The following PIGU variants were observed in gnomAD, a reference collection of about 807,000 sequenced individuals.
PIGU encodes phosphatidylinositol glycan anchor biosynthesis class U.
PIGU carries 24 observed loss-of-function variants against 49.9 expected under a neutral mutation model. The ratio of observed to expected loss-of-function variants is 0.48; its 90% CI spans 0.35 to 0.68. The LOEUF (loss-of-function observed/expected upper bound fraction) is 0.68. Ranked by LOEUF, PIGU falls within the 30% of genes least tolerant of loss-of-function variation. PIGU has a pLI of 0.01. For synonymous variants in PIGU, 220 were observed against 205.7 expected, an observed-to-expected ratio of 1.07 and a Z score of -0.59; for missense variants, 490 against 532.6, an observed-to-expected ratio of 0.92 and a Z score of 0.79.
chr20:34,582,972 C>T (rs1451222067), intron 9 of PIGU, among the ~76,000 whole-genome samples: 1 of 152,166 alleles, frequency 6.6e-6, no homozygotes, highest in Non-Finnish European at 1.5e-5. Flanking sequence ...ATTTCAACCA[C>T]ATGCACATGG....
At chr20:34,562,995 T>C (rs1982591438) in intron 11 of PIGU, among the ~76,000 whole-genome samples, 1 of 152,056 alleles carries the variant, frequency 6.6e-6, no homozygotes, top group African/African-American at 2.4e-5. Flanking sequence ...ACGAAGCAAC[T>C]CCATGTCACA....
chr20:34,581,538 G>A lies in PIGU; in HGVS notation c.1051+10C>T, dbSNP rs750164264. The A allele has an allele frequency of 6.2e-7, 1 of 1,610,416 alleles. No homozygotes were observed. The highest frequency in any genetic ancestry group is 8.5e-7 in the Non-Finnish European group (1 of 1,178,206). Reference sequence around the variant, plus strand: ...TGACACAAATCTGTGGCAGAGGCGGGAGTACTCACATCTGTAGAGATGGTT... The same window carrying A: ...TGACACAAATCTGTGGCAGAGGCGGAAGTACTCACATCTGTAGAGATGGTT... On this transcript the variant is annotated intron_variant, in intron 10 of 11. Transcript: ENST00000217446.
rs2295442 is a variant in PIGU at position 34,585,726 on chromosome 20, C to T, written c.783-146G>A. On this transcript the variant is annotated intron_variant, in intron 8 of 11. Transcript: ENST00000217446. ...GAGAGATCAGGATGGGAAGGGCTCTCTAGGTACCCTGGATACAGGTAATTA... is the reference window on the plus strand; with the variant it reads ...GAGAGATCAGGATGGGAAGGGCTCTTTAGGTACCCTGGATACAGGTAATTA... 83 of 787,730 alleles carry T rather than the reference C, an allele frequency of 1.1e-4. 1 individual carries two copies. The East Asian group carries it at 2.1e-3, about 20-fold the overall frequency. The allele number at this position is 787,730 out of a possible 1,614,324, so 48.8% of individuals were successfully genotyped here.
At position 34,612,393 on chromosome 20, in the gene PIGU, T is replaced by C. The variant is rs190365869; in HGVS notation, c.627+3649A>G. 1.6e-3 allele frequency among the ~76,000 whole-genome samples: 237 copies of C among 152,102 alleles called. 1 individual carries two copies. The highest frequency in any genetic ancestry group is 5.3e-3 in the African/African-American group (218 of 41,494). On this transcript the variant is annotated intron_variant, in intron 7 of 11. Coordinates refer to ENST00000217446, the MANE Select transcript of PIGU (RefSeq NM_080476.5). ...AGGTGTGGGAGAGCGTTAGGACAAA[T>C]ACCTAATGCATGTGGGGCTTAAAAC...
At chr20:34,647,911 A>AT (rs1169393594) in intron 2 of PIGU, among the ~76,000 whole-genome samples, 2 of 151,930 alleles carry the variant, frequency 1.3e-5, no homozygotes, top group Non-Finnish European at 2.9e-5. Context: ...ATCCTTATTG[A>AT]TTTTTTTGGT....
At chr20:34,593,835 T>G (rs1984090561) in intron 7 of PIGU, among the ~76,000 whole-genome samples, 1 of 152,208 alleles carries the variant, frequency 6.6e-6, no homozygotes, top group Non-Finnish European at 1.5e-5. Context: ...ACTGTGATTG[T>G]GCCACTGCAC....
chr20:34,672,856 CAA>C lies in PIGU; in HGVS notation c.130+4098_130+4099del, dbSNP rs35130218. Among the ~76,000 whole-genome samples the C allele has an allele frequency of 2.7e-4, 31 of 113,594 alleles. No individual in the cohort carries two copies. The South Asian group carries it at 9.6e-3, about 35-fold the overall frequency. The allele number at this position is 113,594 out of a possible 152,430, so 74.5% of individuals were successfully genotyped here. A position where few individuals can be genotyped will look rare whatever the true frequency, so the allele number is the denominator to read the frequency against. On this transcript the variant is annotated intron_variant, in intron 1 of 11. Coordinates refer to ENST00000217446, the MANE Select transcript of PIGU (RefSeq NM_080476.5). ...GGAGACAGAGTGGGACCCTGTCTCT[CAA>C]AAAAAAAAAAAAAAAAAAAAAATCA...
chr20:34,639,197 C>T lies in PIGU; in HGVS notation c.319-1212G>A, dbSNP rs542396742. On this transcript the variant is annotated intron_variant, in intron 4 of 11. Transcript: ENST00000217446. ...CAGGCAGATCACAAGGTCAGGAGAT[C>T]GAGACCATCCTGGCTAACATGGTGA... Among the ~76,000 whole-genome samples the T allele has an allele frequency of 2.8e-3, 420 of 152,044 alleles. 1 individual carries two copies. The highest frequency in any genetic ancestry group is 9.6e-3 in the African/African-American group (400 of 41,466).
intron 11 of PIGU, among the ~76,000 whole-genome samples, chr20:34,572,365 G>C (rs956580858): frequency 1.3e-5 from 2 of 151,962 alleles, no homozygotes; most frequent in African/African-American, 4.8e-5. Flanking sequence ...TGACAAAATA[G>C]GCTGGGCGCA....
chr20:34,619,154 A>AG (rs1333217358), intron 6 of PIGU, among the ~76,000 whole-genome samples: 31 of 152,328 alleles, frequency 2.0e-4, no homozygotes, highest in Admixed American at 3.3e-4. Context: ...TTCTATGGGA[A>AG]GGGGGGCTGT....
intron 2 of PIGU, among the ~76,000 whole-genome samples, chr20:34,652,663 T>C (rs540440547): frequency 4.6e-5 from 7 of 152,350 alleles, no homozygotes; most frequent in African/African-American, 1.7e-4. Flanking sequence ...TGTTTCATTT[T>C]CATTCATTTC....
chr20:34,659,196 G>A (rs1600667716), intron 1 of PIGU, among the ~76,000 whole-genome samples: 4 of 141,914 alleles, frequency 2.8e-5, no homozygotes, highest in Admixed American at 6.9e-5. Context: ...CCGTCCAGGA[G>A]GGAGGTGGGG....
intron 7 of PIGU, among the ~76,000 whole-genome samples, chr20:34,608,774 C>G (rs1190766729): frequency 6.6e-6 from 1 of 152,210 alleles, no homozygotes; most frequent in Non-Finnish European, 1.5e-5. Flanking sequence ...CTACAACTCC[C>G]CAGCAAGTGG....
chr20:34,591,253 A>G (rs772493091), intron 7 of PIGU, among the ~76,000 whole-genome samples: 6 of 152,196 alleles, frequency 3.9e-5, no homozygotes, highest in Non-Finnish European at 7.4e-5. Context: ...TTTGAATGTA[A>G]CTAATAACAG....
At chr20:34,626,688 G>A (rs933165652) in intron 6 of PIGU, among the ~76,000 whole-genome samples, 2 of 152,170 alleles carry the variant, frequency 1.3e-5, no homozygotes, top group African/African-American at 4.8e-5. Context: ...CTATTTGATA[G>A]AACATTTGCC....
Position 34,659,457 on chromosome 20 carries a change from G to A in PIGU, c.131-2213C>T, listed in dbSNP as rs1157506721. Among the ~76,000 whole-genome samples the A allele has an allele frequency of 9.3e-5, 14 of 150,388 alleles. No homozygotes were observed. In the East Asian group the frequency reaches 1.8e-3, roughly 19 times the overall value. On this transcript the variant is annotated intron_variant, in intron 1 of 11. Coordinates refer to ENST00000217446, the MANE Select transcript of PIGU (RefSeq NM_080476.5). ...GGGTCAGCCCCCGGCCCGGCCAGCC[G>A]CCCCGTCCGGGAGGTGAGGGGCGCC...
intron 4 of PIGU, among the ~76,000 whole-genome samples, chr20:34,639,702 C>A (rs888895000): frequency 6.6e-6 from 1 of 152,136 alleles, no homozygotes; most frequent in Admixed American, 6.5e-5. Flanking sequence ...TAAACTTGCA[C>A]AGGTTTAGGT....
intron 5 of PIGU, among the ~76,000 whole-genome samples, chr20:34,636,769 A>G (rs899722201): frequency 1.3e-5 from 2 of 152,202 alleles, no homozygotes; most frequent in African/African-American, 4.8e-5. Flanking sequence ...GATGATTACT[A>G]TTCACAAATA....
chr20:34,566,101 C>T (rs1055101499), intron 11 of PIGU, among the ~76,000 whole-genome samples: 1 of 152,214 alleles, frequency 6.6e-6, no homozygotes, highest in Non-Finnish European at 1.5e-5. Context: ...GATACACACA[C>T]ATACACGCAC....
Sources: allele counts gnomAD v4.1 joint callset (sites outside exome capture counted in the v4.1 genomes callset), GRCh38; gene constraint gnomAD v4.1.1; transcripts MANE v1.5; gene names NCBI Gene and HGNC (gene_info 2026-07-23, HGNC 2026-07-21).